The following RNF8 variants were observed in gnomAD, a reference collection of about 807,000 sequenced individuals.
RNF8 encodes ring finger protein 8.
In RNF8, 8 loss-of-function variants were observed where a neutral mutation model predicts 59.3. The observed-to-expected ratio is 0.13, with a 90% CI of 0.08 to 0.24. The LOEUF (loss-of-function observed/expected upper bound fraction) is 0.24. Ranked by LOEUF, RNF8 falls within the 10% of genes least tolerant of loss-of-function variation. The pLI is 1.00. For missense variants in RNF8, 406 were observed against 572.6 expected, an observed-to-expected ratio of 0.71 and a Z score of 2.97; for synonymous variants, 162 against 200.0, an observed-to-expected ratio of 0.81 and a Z score of 1.60.
intron 7 of RNF8, among the ~76,000 whole-genome samples, chr6:37,386,710 C>G (rs560157903): frequency 6.6e-6 from 1 of 152,308 alleles, no homozygotes; most frequent in East Asian, 1.9e-4. Flanking sequence ...CCCATCGCTG[C>G]TGGAGGCTGC....
intron 2 of RNF8, among the ~76,000 whole-genome samples, chr6:37,363,939 G>C (rs975213800): frequency 2.0e-5 from 3 of 152,192 alleles, no homozygotes; most frequent in Admixed American, 6.5e-5. Context: ...CAGCACTTTG[G>C]GAGGCCGAGG....
chr6:37,359,125 A>G, intron 1 of RNF8: 1 of 413,780 alleles, frequency 2.4e-6, no homozygotes, highest in South Asian at 1.8e-5. Flanking sequence ...CAAACAAAAA[A>G]GAATAAGGGA....
rs142099566 is a variant in RNF8, at chr6:37,390,442, C to CA, written c.1442-298dup. 3.2e-3 allele frequency among the ~76,000 whole-genome samples: 477 copies of CA among 151,388 alleles called. 22 individuals carry two copies. In the East Asian group the frequency reaches 0.076, roughly 24 times the overall value. On this transcript the variant is annotated intron_variant, in intron 7 of 7. Coordinates refer to ENST00000373479, the MANE Select transcript of RNF8 (RefSeq NM_003958.4). Reference sequence around the variant, plus strand: ...GCATGCTGGTATGTGGGAGGGGCAGCAAGGAGGCTAGTGCTGGGGAGTGGA... The same window carrying CA: ...GCATGCTGGTATGTGGGAGGGGCAGCAAAGGAGGCTAGTGCTGGGGAGTGGA...
intron 7 of RNF8, among the ~76,000 whole-genome samples, chr6:37,388,802 A>T (rs930032158): frequency 2.6e-5 from 4 of 151,938 alleles, no homozygotes; most frequent in African/African-American, 9.7e-5. Context: ...GCATGATGGC[A>T]TATGCCTGTG....
At position 37,387,260 on chromosome 6, in the gene RNF8, C is replaced by T. The variant is rs535399577; in HGVS notation, c.1442-3482C>T. Among the ~76,000 whole-genome samples the T allele has an allele frequency of 8.5e-5, 13 of 152,340 alleles. No individual in the cohort carries two copies. In the South Asian group the frequency reaches 2.7e-3, roughly 32 times the overall value. ...CTAGGGCTTCTACTTCAGTTACTTT[C>T]TGTATCCTGGAGAGTTTGGACTGCT... On this transcript the variant is annotated intron_variant, in intron 7 of 7. Transcript: ENST00000373479.
intron 2 of RNF8, among the ~76,000 whole-genome samples, chr6:37,364,959 G>A (rs939685460): frequency 2.0e-5 from 3 of 151,992 alleles, no homozygotes; most frequent in African/African-American, 7.3e-5. Flanking sequence ...TAGTAGAGGT[G>A]GGTTTCACCA....
chr6:37,379,130 C>G (rs771046284), intron 6 of RNF8, among the ~76,000 whole-genome samples: 1 of 152,202 alleles, frequency 6.6e-6, no homozygotes, highest in Admixed American at 6.5e-5. Context: ...GATCCTGCCT[C>G]AGCCTCCGGA....
intron 7 of RNF8, among the ~76,000 whole-genome samples, chr6:37,382,363 AG>A (rs1562096976): frequency 6.6e-6 from 1 of 152,192 alleles, no homozygotes; most frequent in Non-Finnish European, 1.5e-5. Context: ...AAGGAGAGGC[AG>A]TAGCACAAGC....
chr6:37,383,679 T>C (rs538321583), intron 7 of RNF8, among the ~76,000 whole-genome samples: 35 of 152,170 alleles, frequency 2.3e-4, no homozygotes, highest in Non-Finnish European at 5.0e-4. Flanking sequence ...CATTGATCTC[T>C]TGTGTGAGAC....
intron 7 of RNF8, among the ~76,000 whole-genome samples, chr6:37,385,961 A>G (rs1770477821): frequency 6.6e-6 from 1 of 151,518 alleles, no homozygotes; most frequent in Admixed American, 6.6e-5. Context: ...CAGCCTCCCA[A>G]GTAGCTGGGA....
At chr6:37,382,585 G>T (rs373030874) in intron 7 of RNF8, among the ~76,000 whole-genome samples, 1 of 152,092 alleles carries the variant, frequency 6.6e-6, no homozygotes, top group Non-Finnish European at 1.5e-5. Context: ...GGACGGGGTT[G>T]GGGGGTGGAC....
intron 3 of RNF8, 92 bp from the exon 4 acceptor site, chr6:37,371,420 A>G: frequency 2.0e-6 from 2 of 995,754 alleles, no homozygotes; most frequent in Non-Finnish European, 3.1e-6. Flanking sequence ...CCAGATGCTC[A>G]TACTAGCTGG....
chr6:37,380,437 G>A (rs1420145310), intron 6 of RNF8, among the ~76,000 whole-genome samples: 7 of 152,024 alleles, frequency 4.6e-5, no homozygotes, highest in African/African-American at 1.4e-4. Context: ...TTGGGAGGCC[G>A]AGGCGGGCAG....
rs78967284 is a variant in RNF8, at chr6:37,392,292, G to A, written c.*1534G>A. 227 of 396,672 alleles carry A rather than the reference G, an allele frequency of 5.7e-4. No individual in the cohort carries two copies. Among genetic ancestry groups the A allele is most frequent in the African/African-American group, 4.3e-3 (207 of 48,694 alleles). 24.6% of individuals were successfully genotyped at this position (396,672 alleles called of 1,614,324 possible). A position where few individuals can be genotyped will look rare whatever the true frequency, so the allele number is the denominator to read the frequency against. On this transcript the variant is annotated 3_prime_UTR_variant, in exon 8 of 8. Transcript: ENST00000373479. ...TTGTTTATAGATTGCATGGGTATAT[G>A]TCAATTTTTATATGTTCTGTGTTTA...
At position 37,369,055 on chromosome 6, in the gene RNF8, T is replaced by C. The variant is rs1466350658; in HGVS notation, c.812T>C (p.Met271Thr). Residue 271 changes from methionine (M) to threonine (T), a missense_variant, in exon 3 of 8, where the codon ATG (methionine) becomes ACG (threonine). Physicochemically the swap from Met to Thr is moderately conservative, Grantham distance 81. Around this residue, in one of 3 missense-constraint regions of RNF8, gnomAD observed 285 missense variants for 342.0 expected, o/e 0.83. Coordinates refer to ENST00000373479, the MANE Select transcript of RNF8 (RefSeq NM_003958.4). ...IQMQEKHEAV[M>T]NVKKQTQKGN... ...ATGCAGGAAAAACATGAAGCCGTTA[T>C]GAATGTGAAAAAGCAGACCCAAAAG... is the stretch of plus-strand genomic sequence containing the variant. 4 of 1,614,082 alleles carry C rather than the reference T, an allele frequency of 2.5e-6. No individual in the cohort carries two copies. The highest frequency in any genetic ancestry group is 2.2e-5 in the South Asian group (2 of 91,090).
chr6:37,389,576 A>G (rs1770645272), intron 7 of RNF8, among the ~76,000 whole-genome samples: 1 of 152,102 alleles, frequency 6.6e-6, no homozygotes, highest in Non-Finnish European at 1.5e-5. Context: ...CTGGAAAGCC[A>G]AGATAGCAGG....
intron 3 of RNF8, chr6:37,370,353 G>A (rs1386108701): frequency 6.6e-6 from 1 of 152,138 alleles, no homozygotes; most frequent in Non-Finnish European, 1.5e-5. Flanking sequence ...ATTAATAGAG[G>A]GTGGTTTATG....
chr6:37,379,005 T>TTTTA (rs999196623), intron 6 of RNF8, among the ~76,000 whole-genome samples: 1 of 152,076 alleles, frequency 6.6e-6, no homozygotes, highest in African/African-American at 2.4e-5. Context: ...ATATGTTTTA[T>TTTTA]TTTATTTATT....
At chr6:37,355,928 A>G (rs1180287442) in intron 1 of RNF8, among the ~76,000 whole-genome samples, 1 of 152,224 alleles carries the variant, frequency 6.6e-6, no homozygotes, top group Non-Finnish European at 1.5e-5. Flanking sequence ...AATTTCACAT[A>G]CATTACTTAA....
Sources: allele counts gnomAD v4.1 joint callset (sites outside exome capture counted in the v4.1 genomes callset), GRCh38; gene constraint gnomAD v4.1.1; regional missense constraint gnomAD v4.1.1; transcripts MANE v1.5; gene names NCBI Gene and HGNC (gene_info 2026-07-23, HGNC 2026-07-21).